COL13A1: variants seen among roughly 807,000 people sequenced by gnomAD.
The protein encoded by COL13A1 is collagen type XIII alpha 1 chain.
COL13A1 carries 89 observed loss-of-function variants against 130.9 expected under a neutral mutation model. That is an observed-to-expected ratio of 0.68 (90% CI 0.57 to 0.81). The LOEUF (loss-of-function observed/expected upper bound fraction) is 0.81. COL13A1 is among the 30% of genes least tolerant of loss of function. COL13A1 has a pLI of 0.00. For synonymous variants in COL13A1, 402 were observed against 341.6 expected, an observed-to-expected ratio of 1.18 and a Z score of -1.95; for missense variants, 879 against 934.6, an observed-to-expected ratio of 0.94 and a Z score of 0.78.
chr10:69,830,964 A>G (rs1848684573), intron 2 of COL13A1, among the ~76,000 whole-genome samples: 2 of 152,216 alleles, frequency 1.3e-5, no homozygotes, highest in African/African-American at 4.8e-5. Flanking sequence ...TGGATTTAGC[A>G]TAATGTTTTC....
chr10:69,912,530 G>A (rs973959535), intron 17 of COL13A1, among the ~76,000 whole-genome samples: 6 of 151,998 alleles, frequency 3.9e-5, no homozygotes, highest in Non-Finnish European at 7.4e-5. Context: ...CTTGAGGCTT[G>A]AGCTGTCCAC....
chr10:69,898,775 C>T lies in COL13A1; in HGVS notation c.750+13C>T, dbSNP rs754243583. 1.7e-5 allele frequency: 27 copies of T among 1,607,944 alleles called. No individual in the cohort carries two copies. The highest frequency in any genetic ancestry group is 3.4e-5 in the Admixed American group (2 of 59,652). On this transcript the variant is annotated intron_variant, in intron 14 of 40. Transcript: ENST00000645393. ...GCGGACGTTCCAGGTAGACACCTCC[C>T]GTTTGTCCAGACCATGTGTGGTTTC...
chr10:69,936,702 G>A (rs2066964993), intron 32 of COL13A1, 54 bp from the exon 33 acceptor site: 5 of 1,609,318 alleles, frequency 3.1e-6, no homozygotes, highest in Non-Finnish European at 4.3e-6. Flanking sequence ...GGACTAGGCA[G>A]TTGTGTTAAC....
Position 69,878,034 on chromosome 10 carries a change from C to T in COL13A1, c.436-5C>T, listed in dbSNP as rs1330669607. ...TGCACCCTGTGTTGCATGTGGCTGCCCCAGGGAGTAAAGGGCCAACCAGGC... is the reference window on the plus strand; with the variant it reads ...TGCACCCTGTGTTGCATGTGGCTGCTCCAGGGAGTAAAGGGCCAACCAGGC... On this transcript the variant is annotated splice_region_variant and splice_polypyrimidine_tract_variant and intron_variant, in intron 5 of 40. Transcript: ENST00000645393. 1.6e-5 allele frequency: 11 copies of T among 702,858 alleles called. No homozygotes were observed. In the East Asian group the frequency reaches 2.7e-4, roughly 17 times the overall value. 43.5% of individuals were successfully genotyped at this position (702,858 alleles called of 1,614,324 possible).
At chr10:69,840,584 C>T (rs1239567080) in intron 2 of COL13A1, among the ~76,000 whole-genome samples, 5 of 152,138 alleles carry the variant, frequency 3.3e-5, no homozygotes, top group African/African-American at 1.2e-4. Context: ...GATGATGGGG[C>T]CCCCTTTGAA....
chr10:69,932,621 T>G lies in COL13A1; in HGVS notation c.1728+17T>G. 6.4e-7 allele frequency: 1 copy of G among 1,572,144 alleles called. No homozygotes were observed. Among genetic ancestry groups the G allele is most frequent in the Non-Finnish European group, 8.8e-7 (1 of 1,142,528 alleles). On this transcript the variant is annotated intron_variant, in intron 31 of 40. Coordinates refer to ENST00000645393, the MANE Select transcript of COL13A1 (RefSeq NM_001368882.1). ...GGAGCAGAGGTACATGAGAGATAAT[T>G]TGACAGAGACTCATCAAGCGACAGT... is the stretch of plus-strand genomic sequence containing the variant.
At chr10:69,910,937 T>A (rs894210499) in intron 17 of COL13A1, among the ~76,000 whole-genome samples, 9 of 152,220 alleles carry the variant, frequency 5.9e-5, no homozygotes, top group Admixed American at 6.5e-5. Flanking sequence ...TGAAGGACCA[T>A]GGCTGAAACA....
In COL13A1 at chr10:69,930,099, C is replaced by T. The variant is rs80201995; in HGVS notation, c.1530+12C>T. The stretch of plus-strand genomic sequence containing the variant: ...ACGATGGGGAAAAGGTATGAACAGA[C>T]GTCCTCTGGTCAAACCTCTGAAGAC... On this transcript the variant is annotated intron_variant, in intron 29 of 40. Coordinates refer to ENST00000645393, the MANE Select transcript of COL13A1 (RefSeq NM_001368882.1). 0.023 allele frequency: 37,676 copies of T among 1,612,850 alleles called. 685 individuals are homozygous for T. Among genetic ancestry groups the T allele is most frequent in the South Asian group, 0.083 (7,590 of 90,954 alleles).
intron 6 of COL13A1, 27 bp downstream of exon 6, chr10:69,878,092 C>A: frequency 1.4e-6 from 1 of 702,982 alleles, no homozygotes; most frequent in Non-Finnish European, 2.6e-6. Context: ...CCCTTCTGCC[C>A]TGCACCCAGC....
intron 7 of COL13A1, among the ~76,000 whole-genome samples, chr10:69,880,866 T>A (rs2060067445): frequency 6.6e-6 from 1 of 152,196 alleles, no homozygotes; most frequent in Non-Finnish European, 1.5e-5. Context: ...CTCGCTCTCC[T>A]CCGGATGGGG....
intron 10 of COL13A1, among the ~76,000 whole-genome samples, chr10:69,892,317 T>C (rs1022485372): frequency 6.6e-6 from 1 of 152,118 alleles, no homozygotes; most frequent in African/African-American, 2.4e-5. Context: ...GCACTGGCAC[T>C]CACCCTCATT....
chr10:69,926,233 C>T lies in COL13A1; in HGVS notation c.1398+361C>T, dbSNP rs561957017. Among the ~76,000 whole-genome samples the T allele has an allele frequency of 5.2e-5, 8 of 152,382 alleles. No homozygotes were observed. The East Asian group carries it at 1.2e-3, about 22-fold the overall frequency. Reference sequence around the variant, plus strand: ...CTTTAATGCATGTATAACCCCCTTTCATGCAGCAGCAAATCTTCCTGGAAC... The same window carrying T: ...CTTTAATGCATGTATAACCCCCTTTTATGCAGCAGCAAATCTTCCTGGAAC... On this transcript the variant is annotated intron_variant, in intron 26 of 40. Transcript: ENST00000645393.
chr10:69,922,772 T>C lies in COL13A1; in HGVS notation c.1208T>C (p.Leu403Pro). The C allele has an allele frequency of 6.3e-7, 1 of 1,598,010 alleles. No homozygotes were observed. The highest frequency in any genetic ancestry group is 8.5e-7 in the Non-Finnish European group (1 of 1,172,664). Residue 403 changes from leucine (L) to proline (P), a missense_variant, in exon 23 of 41, where the codon CTC (leucine) becomes CCC (proline). By Grantham distance (98) the Leu-to-Pro change is moderately conservative. Transcript: ENST00000645393. ...AGAGGGGAACCTGGCCCTCCAGGGCTCCCTGGGCCCCCAGGGCCAAAGGTG... is the reference window on the plus strand; with the variant it reads ...AGAGGGGAACCTGGCCCTCCAGGGCCCCCTGGGCCCCCAGGGCCAAAGGTG... ...GGRGEPGPPGLPGPPGPKGEA... is the reference protein window; with the variant it reads ...GGRGEPGPPGPPGPPGPKGEA...
intron 13 of COL13A1, among the ~76,000 whole-genome samples, chr10:69,896,399 G>T (rs2061646511): frequency 6.6e-6 from 1 of 152,124 alleles, no homozygotes; most frequent in Admixed American, 6.5e-5. Flanking sequence ...AGAAAAAAAT[G>T]CCCCTCATTT....
At chr10:69,936,810 G>A in intron 33 of COL13A1, 28 bp downstream of exon 33, 1 of 1,613,764 alleles carries the variant, frequency 6.2e-7, no homozygotes, top group Non-Finnish European at 8.5e-7. Context: ...GACAGGCGCT[G>A]TGTCAGTGCT....
chr10:69,846,161 T>C (rs1782490302), intron 2 of COL13A1, among the ~76,000 whole-genome samples: 1 of 152,352 alleles, frequency 6.6e-6, no homozygotes, highest in Non-Finnish European at 1.5e-5. Context: ...AGGCCATGCA[T>C]GTCTCTCTTA....
intron 2 of COL13A1, among the ~76,000 whole-genome samples, chr10:69,847,043 C>T (rs927195067): frequency 3.3e-5 from 5 of 152,214 alleles, no homozygotes; most frequent in South Asian, 2.1e-4. Flanking sequence ...TCTTGACCCT[C>T]GCCTGCTTCT....
chr10:69,837,420 C>T (rs1188113595), intron 2 of COL13A1, among the ~76,000 whole-genome samples: 1 of 152,254 alleles, frequency 6.6e-6, no homozygotes, highest in East Asian at 1.9e-4. Flanking sequence ...CCAAGAGCTA[C>T]AGCCAAGCTG....
At chr10:69,892,458 G>C (rs922431172) in intron 10 of COL13A1, among the ~76,000 whole-genome samples, 1 of 152,288 alleles carries the variant, frequency 6.6e-6, no homozygotes, top group South Asian at 2.1e-4. Flanking sequence ...AGTGTAGTTG[G>C]GGGGTGGACA....
Sources: gnomAD v4.1 joint callset for allele counts (sites outside exome capture counted in the v4.1 genomes callset) on GRCh38, gnomAD v4.1.1 for gene constraint, MANE v1.5 for transcripts, NCBI Gene and HGNC (gene_info 2026-07-23, HGNC 2026-07-21) for gene names.